The following SCARB2 variants were observed in gnomAD, a reference collection of about 807,000 sequenced individuals.
SCARB2 encodes scavenger receptor class B member 2.
Under a neutral mutation model 58.6 loss-of-function variants are expected in SCARB2, and 29 were observed. The ratio of observed to expected loss-of-function variants is 0.49; its 90% CI spans 0.37 to 0.67. The LOEUF (loss-of-function observed/expected upper bound fraction) is 0.67, where lower values mean the gene tolerates loss of function less well. Ranked by LOEUF, SCARB2 falls within the 30% of genes least tolerant of loss-of-function variation. The pLI, the probability that SCARB2 is intolerant of heterozygous loss-of-function variation, is 0.00. For synonymous variants in SCARB2, 195 were observed against 210.1 expected (o/e 0.93, Z 0.62); for missense variants, 488 against 578.5 (o/e 0.84, Z 1.60).
At position 76,173,844 on chromosome 4, in the gene SCARB2, GA is replaced by G. The variant is rs1283825723; in HGVS notation, c.994+299del. 1.1e-5 allele frequency: 4 copies of G among 362,536 alleles called. No homozygotes were observed. The South Asian group carries it at 1.2e-4, about 11-fold the overall frequency. 22.5% of individuals were successfully genotyped at this position (362,536 alleles called of 1,614,324 possible). On this transcript the variant is annotated intron_variant, in intron 7 of 11. Coordinates refer to ENST00000264896, the MANE Select transcript of SCARB2 (RefSeq NM_005506.4). ...ATAAAAAGCATCACAGAAAAGCCAT[GA>G]TTTTTTTTTACCATTCAATAGCCAT...
chr4:76,231,368 C>A (rs1733489323), intron 1 of SCARB2, among the ~76,000 whole-genome samples: 1 of 152,206 alleles, frequency 6.6e-6, no homozygotes, highest in South Asian at 2.1e-4. Context: ...TCTTTCTGAG[C>A]TGCAGCTGGA....
At chr4:76,190,982 C>A (rs60750701) in intron 2 of SCARB2, among the ~76,000 whole-genome samples, 7,624 of 152,206 alleles carry the variant, frequency 0.05, 596 homozygotes, top group African/African-American at 0.17. Flanking sequence ...TAAAGTATCT[C>A]ATTAATAATT....
At chr4:76,207,605 C>T (rs904428191) in intron 1 of SCARB2, among the ~76,000 whole-genome samples, 1 of 152,192 alleles carries the variant, frequency 6.6e-6, no homozygotes, top group Non-Finnish European at 1.5e-5. Flanking sequence ...TTTCCAGTTA[C>T]CAGCTTGGAT....
At chr4:76,180,681 T>A (rs752845435) in intron 3 of SCARB2, 1 of 212,302 alleles carries the variant, frequency 4.7e-6, no homozygotes, top group Non-Finnish European at 9.2e-6. Flanking sequence ...CATATTTATT[T>A]GCACAATTGC....
intron 1 of SCARB2, chr4:76,213,118 C>A (rs1449500442): frequency 2.3e-5 from 9 of 386,708 alleles, no homozygotes; most frequent in Admixed American, 7.4e-5. Context: ...CAAGTTTGGG[C>A]CCACCTGAGA....
rs543524010 is a variant in SCARB2 at position 76,165,898 on chromosome 4, A to G, written c.1239+352T>C. 36 of 368,332 alleles carry G rather than the reference A, an allele frequency of 9.8e-5. 2 individuals carry two copies. In the South Asian group the frequency reaches 1.1e-3, roughly 11 times the overall value. The allele number at this position is 368,332 out of a possible 1,614,324, so 22.8% of individuals were successfully genotyped here. ...CAGCATGGTTTCAAAGAAGGGGGAGACAAAGGGCTAGCTGGCATCTATCTG... is the reference window on the plus strand; with the variant it reads ...CAGCATGGTTTCAAAGAAGGGGGAGGCAAAGGGCTAGCTGGCATCTATCTG... On this transcript the variant is annotated intron_variant, in intron 10 of 11. Coordinates refer to ENST00000264896, the MANE Select transcript of SCARB2 (RefSeq NM_005506.4).
intron 4 of SCARB2, chr4:76,178,982 G>T (rs1346949971): frequency 6.1e-6 from 1 of 165,138 alleles, no homozygotes; most frequent in Admixed American, 5.7e-5. Context: ...TCTTCCTGGG[G>T]TTATTTTATC....
At chr4:76,183,575 C>T (rs1428593214) in intron 2 of SCARB2, among the ~76,000 whole-genome samples, 2 of 152,178 alleles carry the variant, frequency 1.3e-5, no homozygotes, top group Non-Finnish European at 2.9e-5. Context: ...GCTCGCTACT[C>T]TCCAGGAACC....
At chr4:76,191,295 A>T (rs553994765) in intron 2 of SCARB2, among the ~76,000 whole-genome samples, 7 of 152,328 alleles carry the variant, frequency 4.6e-5, no homozygotes, top group African/African-American at 1.7e-4. Flanking sequence ...AATTCTACAT[A>T]TTGACTTGTA....
At chr4:76,162,099 G>A (rs937759095) in intron 11 of SCARB2, 2 of 309,772 alleles carry the variant, frequency 6.5e-6, no homozygotes, top group African/African-American at 4.2e-5. Context: ...ATAATTCCTT[G>A]CTTGTTGAAT....
At chr4:76,231,320 A>G (rs1444133890) in intron 1 of SCARB2, among the ~76,000 whole-genome samples, 3 of 152,208 alleles carry the variant, frequency 2.0e-5, no homozygotes, top group Non-Finnish European at 2.9e-5. Flanking sequence ...CAGAATTAGA[A>G]TGTTGATCCA....
chr4:76,214,286 C>A (rs1182713417), upstream of SCARB2: 1 of 456,000 alleles, frequency 2.2e-6, no homozygotes, highest in Non-Finnish European at 4.4e-6. Context: ...TGCCAGCAAG[C>A]ATGTTCTGCC....
chr4:76,229,488 C>T (rs1324427222), intron 1 of SCARB2, among the ~76,000 whole-genome samples: 1 of 152,182 alleles, frequency 6.6e-6, no homozygotes, highest in African/African-American at 2.4e-5. Context: ...GTGGAAAAAG[C>T]TGGAACTCAA....
chr4:76,175,230 C>T (rs1454757728), intron 6 of SCARB2: 1 of 155,222 alleles, frequency 6.4e-6, no homozygotes, highest in African/African-American at 2.4e-5. Context: ...TATAACTGAA[C>T]CTGTCTACGT....
intron 1 of SCARB2, among the ~76,000 whole-genome samples, chr4:76,226,192 C>T (rs578146716): frequency 2.0e-5 from 3 of 152,262 alleles, no homozygotes; most frequent in Admixed American, 1.3e-4. Context: ...TGCGAAGGCC[C>T]TGAGCTCTGG....
intron 1 of SCARB2, among the ~76,000 whole-genome samples, chr4:76,227,558 G>A (rs1733419295): frequency 1.3e-5 from 2 of 152,134 alleles, no homozygotes; most frequent in Non-Finnish European, 2.9e-5. Context: ...CTGGGGTATA[G>A]TTTCAGTCCA....
chr4:76,187,384 A>G (rs1732509587), intron 2 of SCARB2, among the ~76,000 whole-genome samples: 1 of 152,232 alleles, frequency 6.6e-6, no homozygotes, highest in Non-Finnish European at 1.5e-5. Flanking sequence ...ACAAGAACTA[A>G]AAGTGTGGAA....
chr4:76,190,182 G>C (rs893844397), intron 2 of SCARB2, among the ~76,000 whole-genome samples: 13 of 151,692 alleles, frequency 8.6e-5, no homozygotes, highest in African/African-American at 2.7e-4. Context: ...CTAATTTTTT[G>C]TATTTTTGTT....
chr4:76,222,401 A>G (rs1489844804), intron 1 of SCARB2, among the ~76,000 whole-genome samples: 1 of 151,766 alleles, frequency 6.6e-6, no homozygotes, highest in Non-Finnish European at 1.5e-5. Flanking sequence ...TAATTTTTGT[A>G]TTTTTTAGTA....
Sources: allele counts gnomAD v4.1 joint callset (sites outside exome capture counted in the v4.1 genomes callset), GRCh38; gene constraint gnomAD v4.1.1; transcripts MANE v1.5; gene names NCBI Gene and HGNC (gene_info 2026-07-23, HGNC 2026-07-21).